The following RAB3B variants were observed in gnomAD, a reference collection of about 807,000 sequenced individuals.
The protein encoded by RAB3B is RAB3B, member RAS oncogene family.
In RAB3B, 11 loss-of-function variants were observed where a neutral mutation model predicts 20.5. That is an observed-to-expected ratio of 0.54 (90% CI 0.34 to 0.89). RAB3B has a LOEUF of 0.89. Ranked by LOEUF, RAB3B falls within the 40% of genes least tolerant of loss-of-function variation. The pLI, the probability that RAB3B is intolerant of heterozygous loss-of-function variation, is 0.02. For missense variants in RAB3B, 225 were observed against 280.9 expected (o/e 0.80, Z 1.42); for synonymous variants, 99 against 106.3 (o/e 0.93, Z 0.42).
chr1:51,981,255 C>T (rs866873428), intron 1 of RAB3B, among the ~76,000 whole-genome samples: 9 of 152,112 alleles, frequency 5.9e-5, no homozygotes, highest in South Asian at 4.1e-4. Context: ...GGTCTTAAAC[C>T]GGGATCAAGT....
chr1:51,939,897 A>G (rs963914289), intron 2 of RAB3B, among the ~76,000 whole-genome samples: 1 of 152,234 alleles, frequency 6.6e-6, no homozygotes, highest in Non-Finnish European at 1.5e-5. Context: ...TTCTGATTCC[A>G]TGTCTAATGC....
chr1:51,982,896 C>A (rs147418720), intron 1 of RAB3B, among the ~76,000 whole-genome samples: 1,719 of 152,030 alleles, frequency 0.011, 49 homozygotes, highest in African/African-American at 0.04. Context: ...TTTAGTGTAG[C>A]CTAAGTGTAG....
Position 51,911,877 on chromosome 1 carries a change from G to C in RAB3B, c.*8050C>G, listed in dbSNP as rs925557628. On this transcript the variant is annotated 3_prime_UTR_variant, in exon 5 of 5. Coordinates refer to ENST00000371655, the MANE Select transcript of RAB3B (RefSeq NM_002867.4). ...CTCCGTTTATTGACAGTCTTCACTA[G>C]AATCACCTGGTTTGGGTTAGGGAGT... 6.6e-6 allele frequency: 1 copy of C among 152,088 alleles called. No individual in the cohort carries two copies. The highest frequency in any genetic ancestry group is 1.5e-5 in the Non-Finnish European group (1 of 68,010). The allele number at this position is 152,088 out of a possible 1,614,324, so 9.4% of individuals were successfully genotyped here.
intron 2 of RAB3B, among the ~76,000 whole-genome samples, chr1:51,952,057 T>C (rs949646778): frequency 2.6e-5 from 4 of 152,228 alleles, no homozygotes; most frequent in African/African-American, 4.8e-5. Context: ...AGAATGTACT[T>C]GGACCTTTAT....
At chr1:51,985,458 G>C (rs1264429404) in intron 1 of RAB3B, among the ~76,000 whole-genome samples, 1 of 152,118 alleles carries the variant, frequency 6.6e-6, no homozygotes, top group South Asian at 2.1e-4. Context: ...TCACTTTTCT[G>C]ATGTAGCCCA....
rs377673682 is a variant in RAB3B, at chr1:51,989,103, G to GCGCACA, written c.-1+1448_-1+1449insTGTGCG. Among the ~76,000 whole-genome samples, 284 of 132,758 alleles carry GCGCACA rather than the reference G, an allele frequency of 2.1e-3. 5 individuals carry two copies. Among genetic ancestry groups the GCGCACA allele is most frequent in the African/African-American group, 5.6e-3 (200 of 35,914 alleles). 87.1% of individuals were successfully genotyped at this position (132,758 alleles called of 152,430 possible). A position where few individuals can be genotyped will look rare whatever the true frequency, so the allele number is the denominator to read the frequency against. ...CAGGTGGACACCCACCTGTGCGCGC[G>GCGCACA]CACACACACACACACACACACACAC... On this transcript the variant is annotated intron_variant, in intron 1 of 4. Coordinates refer to ENST00000371655, the MANE Select transcript of RAB3B (RefSeq NM_002867.4).
intron 2 of RAB3B, among the ~76,000 whole-genome samples, chr1:51,948,967 A>AT (rs1456275878): frequency 5.9e-5 from 9 of 152,222 alleles, no homozygotes; most frequent in African/African-American, 2.2e-4. Flanking sequence ...GTCTGTAACA[A>AT]TTTGGATAGA....
intron 2 of RAB3B, among the ~76,000 whole-genome samples, chr1:51,956,633 T>A (rs1684710043): frequency 6.6e-6 from 1 of 152,268 alleles, no homozygotes; most frequent in South Asian, 2.1e-4. Context: ...TTGCTCATGC[T>A]GCACCCTCTG....
At chr1:51,987,256 T>A (rs2124323432) in intron 1 of RAB3B, among the ~76,000 whole-genome samples, 1 of 152,240 alleles carries the variant, frequency 6.6e-6, no homozygotes, top group East Asian at 1.9e-4. Context: ...AAGAAGTGAA[T>A]GAAGGAACTT....
chr1:51,978,649 C>A (rs538439918), intron 1 of RAB3B, among the ~76,000 whole-genome samples: 1 of 152,320 alleles, frequency 6.6e-6, no homozygotes, highest in East Asian at 1.9e-4. Context: ...GCCTCAGGTA[C>A]CCTGCTTCTC....
chr1:51,933,272 C>G lies in RAB3B; in HGVS notation c.472+46G>C, dbSNP rs117224966. The G allele has an allele frequency of 2.5e-4, 400 of 1,599,468 alleles. 5 individuals carry two copies. The East Asian group carries it at 8.9e-3, about 36-fold the overall frequency. ...ACCCTGTTTACCCCACTCTCATGAG[C>G]ATGTGTACAAATGCACACATGCACA... On this transcript the variant is annotated intron_variant, in intron 4 of 4. Transcript: ENST00000371655.
At chr1:51,921,115 C>T (rs1331257392) in intron 4 of RAB3B, among the ~76,000 whole-genome samples, 2 of 152,188 alleles carry the variant, frequency 1.3e-5, no homozygotes, top group African/African-American at 4.8e-5. Flanking sequence ...GAATCTTGGT[C>T]AGCTTGGTGG....
intron 2 of RAB3B, among the ~76,000 whole-genome samples, chr1:51,942,558 A>G (rs779106446): frequency 2.6e-5 from 4 of 152,152 alleles, no homozygotes; most frequent in Non-Finnish European, 4.4e-5. Context: ...TCACTATGTG[A>G]CTATAGTACA....
In RAB3B at chr1:51,920,017, C is replaced by A. The variant is rs372724740; in HGVS notation, c.570G>T (p.Ser190=). 2.9e-5 allele frequency: 46 copies of A among 1,613,958 alleles called. 1 individual carries two copies. In the South Asian group the frequency reaches 4.0e-4, roughly 14 times the overall value. ...CCAGCATCGACGGGTCTGTGTCCAG[C>A]GAATCAGACATCTTGTCACAAATGG... ...VDAICDKMSD[S]LDTDPSMLGS... Residue 190 remains serine, a synonymous_variant, in exon 5 of 5, where the codon TCG becomes TCT. Transcript: ENST00000371655.
chr1:51,982,286 A>T (rs922940920), intron 1 of RAB3B, among the ~76,000 whole-genome samples: 1 of 152,180 alleles, frequency 6.6e-6, no homozygotes, highest in African/African-American at 2.4e-5. Flanking sequence ...AGTGGCTCAT[A>T]CCTATAATCC....
chr1:51,979,415 C>T (rs947045656), intron 1 of RAB3B, among the ~76,000 whole-genome samples: 3 of 152,010 alleles, frequency 2.0e-5, no homozygotes, highest in Non-Finnish European at 4.4e-5. Flanking sequence ...GGATTACAGG[C>T]ATCTGCCACC....
intron 1 of RAB3B, among the ~76,000 whole-genome samples, chr1:51,981,873 A>G (rs1259919996): frequency 1.3e-5 from 2 of 152,234 alleles, no homozygotes; most frequent in Non-Finnish European, 2.9e-5. Flanking sequence ...TATAGCACAT[A>G]TGATTATGTG....
chr1:51,919,859 T>G lies in RAB3B; in HGVS notation c.*68A>C. 6.8e-7 allele frequency: 1 copy of G among 1,460,426 alleles called. No individual in the cohort carries two copies. Among genetic ancestry groups the G allele is most frequent in the South Asian group, 1.3e-5 (1 of 77,534 alleles). The allele number at this position is 1,460,426 out of a possible 1,614,324, so 90.5% of individuals were successfully genotyped here. On this transcript the variant is annotated 3_prime_UTR_variant, in exon 5 of 5. Coordinates refer to ENST00000371655, the MANE Select transcript of RAB3B (RefSeq NM_002867.4). ...GGGAGAGTGGGCTGAGAGCGGACAG[T>G]GTGTAACAGGGAGAAGCAGACTGGG...
chr1:51,973,272 C>T, intron 2 of RAB3B: 1 of 152,182 alleles, frequency 6.6e-6, no homozygotes, highest in East Asian at 1.9e-4. Flanking sequence ...TTAAAATAAA[C>T]AATATTTAAA....
Sources: allele counts gnomAD v4.1 joint callset (sites outside exome capture counted in the v4.1 genomes callset), GRCh38; gene constraint gnomAD v4.1.1; transcripts MANE v1.5; gene names NCBI Gene and HGNC (gene_info 2026-07-23, HGNC 2026-07-21).